The following PAMR1 variants were observed in gnomAD, a reference collection of about 807,000 sequenced individuals.
PAMR1 encodes the protein peptidase domain containing associated with muscle regeneration 1, also known as inactive serine protease PAMR1.
A neutral mutation model predicts 81.8 loss-of-function variants in PAMR1; 88 were observed. The ratio of observed to expected loss-of-function variants is 1.08; its 90% CI spans 0.91 to 1.28. PAMR1 has a LOEUF of 1.28. PAMR1 is among the 50% of genes most tolerant of loss of function. The pLI is 0.00. For missense variants in PAMR1, 935 were observed against 919.7 expected (o/e 1.02, Z -0.21); for synonymous variants, 336 against 345.3 (o/e 0.97, Z 0.30).
chr11:35,435,656 C>T (rs1401262604), intron 9 of PAMR1, among the ~76,000 whole-genome samples: 1 of 152,114 alleles, frequency 6.6e-6, no homozygotes, highest in Non-Finnish European at 1.5e-5. Flanking sequence ...GACTTAATGA[C>T]CATTTTTTCC....
chr11:35,467,809 G>A (rs572727967), intron 6 of PAMR1, among the ~76,000 whole-genome samples, 192 bp downstream of exon 6: 16 of 152,298 alleles, frequency 1.1e-4, no homozygotes, highest in Admixed American at 9.1e-4. Context: ...GACAAACCTA[G>A]GAAGTTGAAG....
chr11:35,452,481 G>A (rs1030170527), intron 6 of PAMR1, among the ~76,000 whole-genome samples: 41 of 152,182 alleles, frequency 2.7e-4, no homozygotes, highest in African/African-American at 8.9e-4. Context: ...TCCCATACTG[G>A]TGAAAGACAT....
At chr11:35,458,476 T>C (rs1447361080) in intron 6 of PAMR1, among the ~76,000 whole-genome samples, 8 of 152,216 alleles carry the variant, frequency 5.3e-5, no homozygotes, top group Admixed American at 1.3e-4. Flanking sequence ...ATATTTATGA[T>C]TGCCAGATAC....
Position 35,492,131 on chromosome 11 carries a change from G to C in PAMR1, c.293C>G (p.Ser98Ter). The C allele has an allele frequency of 3.1e-6, 5 of 1,614,084 alleles. No individual in the cohort carries two copies. The highest frequency in any genetic ancestry group is 4.2e-6 in the Non-Finnish European group (5 of 1,179,982). ...GAAGTCATCCAAGGTACCCCCCCAT[G>C]AGCCATTTCGGCAGCTCTTGCAGTT... Reference protein sequence around the residue: ...FENCKSCRNGSWGGTLDDFYV... With the variant: ...FENCKSCRNG Residue 98 changes from serine (S) to a stop codon, truncating the protein, a stop_gained, in exon 3 of 11, where the codon TCA (serine) becomes TGA (stop). Transcript: ENST00000619888. LOFTEE classifies it high-confidence loss of function.
intron 1 of PAMR1, among the ~76,000 whole-genome samples, chr11:35,504,485 C>A (rs954364538): frequency 2.0e-5 from 3 of 152,036 alleles, no homozygotes; most frequent in African/African-American, 7.2e-5. Flanking sequence ...TGGTAGAATT[C>A]AGCAGTGAAG....
chr11:35,522,042 C>A (rs1191770962), intron 1 of PAMR1, among the ~76,000 whole-genome samples: 1 of 152,086 alleles, frequency 6.6e-6, no homozygotes, highest in Non-Finnish European at 1.5e-5. Flanking sequence ...CCTGCCTCAG[C>A]CTCCCGAGTA....
rs112687965 is a variant in PAMR1 at position 35,453,043 on chromosome 11, T to C, written c.821-11350A>G. 7.9e-3 allele frequency among the ~76,000 whole-genome samples: 1,205 copies of C among 152,348 alleles called. 14 individuals carry two copies. The highest frequency in any genetic ancestry group is 0.028 in the African/African-American group (1,155 of 41,566). The stretch of plus-strand genomic sequence containing the variant: ...AGGGATAAAGGGTTAAATATATTCA[T>C]TCTTCCACTTAATGAACTAGGGTTT... On this transcript the variant is annotated intron_variant, in intron 6 of 10. Transcript: ENST00000619888.
At chr11:35,433,799 G>A (rs931755789) in intron 10 of PAMR1, among the ~76,000 whole-genome samples, 10 of 150,772 alleles carry the variant, frequency 6.6e-5, no homozygotes, top group Admixed American at 2.0e-4. Flanking sequence ...TGGCTGGATG[G>A]ATGGATAGAT....
At chr11:35,469,802 G>GT (rs34665290) in intron 5 of PAMR1, among the ~76,000 whole-genome samples, 182 of 148,742 alleles carry the variant, frequency 1.2e-3, no homozygotes, top group African/African-American at 3.3e-3. Flanking sequence ...TTTTAATTCA[G>GT]TTTTTTTTTT....
intron 2 of PAMR1, 34 bp downstream of exon 2, chr11:35,494,062 G>C (rs1369915389): frequency 4.4e-6 from 7 of 1,586,354 alleles, no homozygotes; most frequent in Non-Finnish European, 6.1e-6. Flanking sequence ...CCAACAACAT[G>C]AAGGCAACCT....
chr11:35,451,748 G>A lies in PAMR1; in HGVS notation c.821-10055C>T, dbSNP rs773101200. 3.7e-4 allele frequency: 190 copies of A among 509,192 alleles called. 1 individual carries two copies. Among genetic ancestry groups the A allele is most frequent in the South Asian group, 1.4e-3 (47 of 33,498 alleles). The allele number at this position is 509,192 out of a possible 1,614,324, so 31.5% of individuals were successfully genotyped here. ...CATGGTATTAGGATGTGGGGCATTT[G>A]GGAGTAGATTAGTTCATGAGGGTGG... On this transcript the variant is annotated intron_variant, in intron 6 of 10. Transcript: ENST00000619888.
At chr11:35,442,814 G>A (rs566220496) in intron 6 of PAMR1, among the ~76,000 whole-genome samples, 6 of 152,142 alleles carry the variant, frequency 3.9e-5, no homozygotes, top group African/African-American at 1.2e-4. Flanking sequence ...TGTTGCCCAG[G>A]TTGGTCTTGA....
chr11:35,465,636 A>G (rs1226512024), intron 6 of PAMR1, among the ~76,000 whole-genome samples: 4 of 152,222 alleles, frequency 2.6e-5, no homozygotes, highest in Non-Finnish European at 5.9e-5. Flanking sequence ...TGGATCTTAC[A>G]GAAAACAGAC....
intron 4 of PAMR1, among the ~76,000 whole-genome samples, chr11:35,472,034 A>G (rs1038550405): frequency 2.0e-5 from 3 of 152,236 alleles, no homozygotes; most frequent in Non-Finnish European, 4.4e-5. Flanking sequence ...AAAAGGTACT[A>G]TTAACAAAGA....
chr11:35,468,229 CT>C, intron 5 of PAMR1, 121 bp from the exon 6 acceptor site: 1 of 605,888 alleles, frequency 1.7e-6, no homozygotes, highest in Non-Finnish European at 3.0e-6. Flanking sequence ...TTTTTCTTCC[CT>C]TTACTGAATT....
intron 4 of PAMR1, 90 bp from the exon 5 acceptor site, chr11:35,470,908 G>A (rs1856843721): frequency 3.4e-6 from 3 of 869,900 alleles, no homozygotes; most frequent in East Asian, 2.5e-5. Context: ...TGAGGAACAG[G>A]CCTGAGGAAC....
intron 4 of PAMR1, among the ~76,000 whole-genome samples, chr11:35,473,674 G>A (rs560619173): frequency 1.4e-4 from 21 of 152,280 alleles, no homozygotes; most frequent in African/African-American, 4.6e-4. Context: ...TTCTAATTCA[G>A]GGTACCATGT....
intron 1 of PAMR1, among the ~76,000 whole-genome samples, chr11:35,506,975 A>G (rs895012033): frequency 3.1e-5 from 4 of 128,200 alleles, no homozygotes; most frequent in African/African-American, 1.2e-4. Flanking sequence ...GTAATTTTCT[A>G]TATTGTACAA....
chr11:35,475,511 G>A (rs7106288), intron 3 of PAMR1, among the ~76,000 whole-genome samples: 42,240 of 152,102 alleles, frequency 0.28, 6,154 homozygotes, highest in African/African-American at 0.35. Context: ...GAAAACCACC[G>A]TATTGAATAG....
Sources: gnomAD v4.1 joint callset for allele counts (sites outside exome capture counted in the v4.1 genomes callset) on GRCh38, gnomAD v4.1.1 for gene constraint, MANE v1.5 for transcripts, NCBI Gene and HGNC (gene_info 2026-07-23, HGNC 2026-07-21) for gene names.